Variants in TMEM165 observed in about 807,000 individuals in gnomAD.
TMEM165 encodes transmembrane protein 165, also known as putative divalent cation/proton antiporter TMEM165.
Under a neutral mutation model 30.0 loss-of-function variants are expected in TMEM165, and 19 were observed. That is an observed-to-expected ratio of 0.63 (90% CI 0.44 to 0.93). The LOEUF is 0.93. Ranked by LOEUF, TMEM165 falls within the 40% of genes least tolerant of loss-of-function variation. The pLI, the probability that TMEM165 is intolerant of heterozygous loss-of-function variation, is 0.00. For synonymous variants in TMEM165, 168 were observed against 162.9 expected (o/e 1.03, Z -0.24); for missense variants, 340 against 417.0 (o/e 0.82, Z 1.61).
chr4:55,436,896 T>G (rs1315785578), intron 3 of TMEM165, among the ~76,000 whole-genome samples: 3 of 142,452 alleles, frequency 2.1e-5, no homozygotes, highest in African/African-American at 8.6e-5. Context: ...GGATGCCTTT[T>G]TTTTTTTTTT....
intron 1 of TMEM165, among the ~76,000 whole-genome samples, chr4:55,411,338 A>G (rs1257902398): frequency 1.3e-5 from 2 of 152,142 alleles, no homozygotes; most frequent in African/African-American, 2.4e-5. Flanking sequence ...TTTCTGGATT[A>G]GGGGTACTCA....
intron 1 of TMEM165, among the ~76,000 whole-genome samples, chr4:55,404,189 T>G (rs1380926584): frequency 6.6e-6 from 1 of 151,584 alleles, no homozygotes; most frequent in Non-Finnish European, 1.5e-5. Flanking sequence ...TTTTTTTTTT[T>G]GTACTTTTAG....
At chr4:55,416,830 T>C in intron 2 of TMEM165, 1 of 347,718 alleles carries the variant, frequency 2.9e-6, no homozygotes, top group Non-Finnish European at 5.2e-6. Context: ...CTCAGGAAGA[T>C]GTGCCATCTT....
intron 3 of TMEM165, chr4:55,435,356 A>C: frequency 6.3e-7 from 1 of 1,592,714 alleles, no homozygotes; most frequent in Non-Finnish European, 8.6e-7. Flanking sequence ...AGGTCATCTG[A>C]GTAACTCTTA....
intron 2 of TMEM165, among the ~76,000 whole-genome samples, chr4:55,413,074 G>T (rs1721580927): frequency 6.6e-6 from 1 of 151,474 alleles, no homozygotes; most frequent in Admixed American, 6.6e-5. Flanking sequence ...GGAACTCCTG[G>T]GCTCAAGTGA....
chr4:55,418,521 GAAA>G (rs57262129), intron 4 of TMEM165, among the ~76,000 whole-genome samples: 2 of 124,650 alleles, frequency 1.6e-5, no homozygotes, highest in East Asian at 4.7e-4. Context: ...GACCCAGTCT[GAAA>G]AAAAAAAAAA....
chr4:55,442,189 T>G, intron 3 of TMEM165: 1 of 493,924 alleles, frequency 2.0e-6, no homozygotes. Flanking sequence ...TGCTGCAGAA[T>G]TTGTATTCTA....
At chr4:55,435,522 T>C in intron 3 of TMEM165, 3 of 1,614,010 alleles carry the variant, frequency 1.9e-6, no homozygotes, top group Non-Finnish European at 2.5e-6. Context: ...TGAGGGAAGG[T>C]GCTCTGTTGT....
chr4:55,424,909 GA>G (rs2109567311), intron 5 of TMEM165: 1 of 415,864 alleles, frequency 2.4e-6, no homozygotes, highest in South Asian at 3.1e-5. Context: ...TTGTCATTTG[GA>G]AGTATGAGAA....
intron 1 of TMEM165, among the ~76,000 whole-genome samples, chr4:55,402,627 T>C (rs1361046285): frequency 7.0e-6 from 1 of 143,520 alleles, no homozygotes; most frequent in Admixed American, 6.8e-5. Context: ...TTTGTATTTT[T>C]AGTAGAGATG....
intron 3 of TMEM165, among the ~76,000 whole-genome samples, chr4:55,444,305 G>A (rs1723607869): frequency 1.3e-5 from 2 of 152,060 alleles, no homozygotes; most frequent in African/African-American, 4.8e-5. Flanking sequence ...TATTACTGAT[G>A]ATTGATTTAT....
At chr4:55,402,394 T>TGC (rs1560387192) in intron 1 of TMEM165, among the ~76,000 whole-genome samples, 1 of 21,204 alleles carries the variant, frequency 4.7e-5, no homozygotes, top group Non-Finnish European at 8.1e-5. Context: ...CGTGCGTGTG[T>TGC]GTGTGTGTGT....
At chr4:55,406,373 G>T (rs1025742096) in intron 1 of TMEM165, among the ~76,000 whole-genome samples, 1 of 152,080 alleles carries the variant, frequency 6.6e-6, no homozygotes, top group Non-Finnish European at 1.5e-5. Context: ...TTCCTTTTTT[G>T]TATTCTAGAA....
chr4:55,398,589 CT>C (rs1005978023), intron 1 of TMEM165, among the ~76,000 whole-genome samples: 1 of 152,070 alleles, frequency 6.6e-6, no homozygotes, highest in African/African-American at 2.4e-5. Context: ...TCTCTTTCTC[CT>C]TTTTTGGGAA....
chr4:55,448,601 CGT>C (rs3034980), intron 3 of TMEM165, among the ~76,000 whole-genome samples: 3,143 of 116,860 alleles, frequency 0.027, 33 homozygotes, highest in East Asian at 0.033. Flanking sequence ...CGCACGCGCG[CGT>C]GTGTGTGTGT....
At chr4:55,445,582 CTTTTTTTTTTTTTT>C (rs56157186) in intron 3 of TMEM165, among the ~76,000 whole-genome samples, 1 of 68,574 alleles carries the variant, frequency 1.5e-5, no homozygotes, top group Non-Finnish European at 2.7e-5. Flanking sequence ...TTTCTATATT[CTTTTTTTTTTTTTT>C]TTTTTTTTTT....
intron 3 of TMEM165, among the ~76,000 whole-genome samples, chr4:55,448,118 A>T (rs1724033644): frequency 6.6e-6 from 1 of 152,184 alleles, no homozygotes; most frequent in Admixed American, 6.5e-5. Context: ...ATCTGCTTAC[A>T]TATCAACTTA....
chr4:55,448,601 C>CGCGCGTGTGTGTGT (rs764071880), intron 3 of TMEM165, among the ~76,000 whole-genome samples: 32 of 117,032 alleles, frequency 2.7e-4, no homozygotes, highest in South Asian at 1.7e-3. Context: ...CGCACGCGCG[C>CGCGCGTGTGTGTGT]GTGTGTGTGT....
At chr4:55,426,996 T>A (rs71599686), downstream of TMEM165, among the ~76,000 whole-genome samples, 8 of 151,664 alleles carry the variant, frequency 5.3e-5, no homozygotes, top group East Asian at 1.9e-4. Flanking sequence ...CCTTAGATTG[T>A]TTGTTTGTTA....
Sources: gnomAD v4.1 joint callset for allele counts (sites outside exome capture counted in the v4.1 genomes callset) on GRCh38, gnomAD v4.1.1 for gene constraint, MANE v1.5 for transcripts, NCBI Gene and HGNC (gene_info 2026-07-23, HGNC 2026-07-21) for gene names.